EPB41: variants seen among roughly 807,000 people sequenced by gnomAD.
EPB41 encodes the protein erythrocyte membrane protein band 4.1, also known as protein 4.1.
EPB41 carries 65 observed loss-of-function variants against 108.0 expected under a neutral mutation model. That is an observed-to-expected ratio of 0.60 (90% CI 0.49 to 0.74). The LOEUF (loss-of-function observed/expected upper bound fraction) is 0.74, where lower values mean the gene tolerates loss of function less well. Ranked by LOEUF, EPB41 falls within the 30% of genes least tolerant of loss-of-function variation. EPB41 has a pLI of 0.00. For synonymous variants in EPB41, 336 were observed against 358.9 expected (o/e 0.94, Z 0.72); for missense variants, 875 against 1,037.0 (o/e 0.84, Z 2.15).
intron 15 of EPB41, among the ~76,000 whole-genome samples, chr1:29,062,216 G>A (rs1017145007): frequency 6.6e-6 from 1 of 152,218 alleles, no homozygotes; most frequent in Admixed American, 6.5e-5. Flanking sequence ...GTGAAGGTCA[G>A]TTGATTTCCT....
At chr1:29,073,603 T>G (rs1292447449) in intron 16 of EPB41, among the ~76,000 whole-genome samples, 3 of 152,232 alleles carry the variant, frequency 2.0e-5, no homozygotes, top group Non-Finnish European at 4.4e-5. Context: ...TTTTCCAAAT[T>G]TATCCTTCTC....
At chr1:29,012,236 A>G (rs1018195346) in intron 5 of EPB41, among the ~76,000 whole-genome samples, 5 of 152,204 alleles carry the variant, frequency 3.3e-5, no homozygotes, top group African/African-American at 1.2e-4. Flanking sequence ...GTCAGTTCTC[A>G]AAATGGTAGT....
intron 16 of EPB41, among the ~76,000 whole-genome samples, chr1:29,086,255 C>T (rs1035929861): frequency 1.3e-5 from 2 of 150,372 alleles, no homozygotes; most frequent in African/African-American, 4.9e-5. Flanking sequence ...TTTAGTACAC[C>T]TTAAAATCTT....
At chr1:28,910,902 T>C, upstream of EPB41, 1 of 889,512 alleles carries the variant, frequency 1.1e-6, no homozygotes, top group Non-Finnish European at 1.3e-6. Context: ...AGATGGTCCT[T>C]AGGGACCCCA....
At chr1:29,051,086 CTGTTTTTTTTTTTTT>C (rs1644413161) in intron 11 of EPB41, among the ~76,000 whole-genome samples, 1 of 57,248 alleles carries the variant, frequency 1.7e-5, no homozygotes, top group Non-Finnish European at 3.5e-5. Flanking sequence ...TTTTCTTTTT[CTGTTTTTTTTTTTTT>C]TTTTTTTTTT....
chr1:29,055,756 C>T (rs983235151), intron 12 of EPB41, among the ~76,000 whole-genome samples: 2 of 149,960 alleles, frequency 1.3e-5, no homozygotes, highest in Non-Finnish European at 3.0e-5. Flanking sequence ...GGCAAAACCC[C>T]GTCTTTACTA....
rs767443466 is a variant in EPB41 at position 28,997,205 on chromosome 1, A to G, written c.682-10A>G. The G allele has an allele frequency of 3.1e-6, 5 of 1,596,168 alleles. No individual in the cohort carries two copies. Among genetic ancestry groups the G allele is most frequent in the East Asian group, 2.2e-5 (1 of 44,802 alleles). ...ACCTCAACTCAACTAAGTCACGTAT[A>G]TCTTTGCAGAAACATGCTAAGGGAC... is the stretch of plus-strand genomic sequence containing the variant. On this transcript the variant is annotated splice_polypyrimidine_tract_variant and intron_variant, in intron 3 of 20. Coordinates refer to ENST00000343067, the MANE Select transcript of EPB41 (RefSeq NM_001376013.1).
chr1:28,948,610 C>A (rs2094579582), intron 1 of EPB41, among the ~76,000 whole-genome samples: 2 of 151,642 alleles, frequency 1.3e-5, no homozygotes, highest in African/African-American at 4.8e-5. Flanking sequence ...TGCTTAGTAT[C>A]CTTTTACGCT....
intron 2 of EPB41, among the ~76,000 whole-genome samples, chr1:28,991,702 CA>C (rs59227691): frequency 0.16 from 15,731 of 98,346 alleles, 930 homozygotes; most frequent in African/African-American, 0.27. Flanking sequence ...ACTCTTGTCT[CA>C]AAAAAAAAAA....
intron 1 of EPB41, among the ~76,000 whole-genome samples, chr1:28,942,035 AC>A (rs2094309822): frequency 6.6e-6 from 1 of 152,178 alleles, no homozygotes; most frequent in African/African-American, 2.4e-5. Context: ...TAATGCTAAT[AC>A]TATAAATATT....
At position 29,117,771 on chromosome 1, in the gene EPB41, A is replaced by G. The variant is rs535056008; in HGVS notation, c.*959A>G. 1 of 152,748 alleles carries G rather than the reference A, an allele frequency of 6.5e-6. No homozygotes were observed. Among genetic ancestry groups the G allele is most frequent in the African/African-American group, 2.4e-5 (1 of 41,584 alleles). The allele number at this position is 152,748 out of a possible 1,614,324, so 9.5% of individuals were successfully genotyped here. A position where few individuals can be genotyped will look rare whatever the true frequency, so the allele number is the denominator to read the frequency against. On this transcript the variant is annotated 3_prime_UTR_variant, in exon 21 of 21. Transcript: ENST00000343067. ...GCACTTCACACAGGGGAATGGGGTT[A>G]CTTCTGTCTGATCCTGGGCCTTTCT...
chr1:29,058,695 T>G (rs1179629928), intron 13 of EPB41, 50 bp downstream of exon 13: 1 of 1,588,860 alleles, frequency 6.3e-7, no homozygotes, highest in Non-Finnish European at 8.6e-7. Context: ...CCCCTCAGTT[T>G]TTTTCTTCTC....
At chr1:29,052,306 A>G (rs1644670570) in intron 11 of EPB41, among the ~76,000 whole-genome samples, 2 of 152,208 alleles carry the variant, frequency 1.3e-5, no homozygotes, top group Admixed American at 1.3e-4. Flanking sequence ...ACAACAACCA[A>G]AAATGTCTCC....
In EPB41 at chr1:28,982,300, A is replaced by G. The variant is rs183413378; in HGVS notation, c.-7-5131A>G. The stretch of plus-strand genomic sequence containing the variant: ...CATCTAAAACCACAGCTTCTGGAAG[A>G]ACTACTTGTTCTTGCCTGTCTTTTA... On this transcript the variant is annotated intron_variant, in intron 1 of 20. Transcript: ENST00000343067. The G allele has an allele frequency of 1.4e-3, 829 of 583,188 alleles. 7 individuals are homozygous for G. Among genetic ancestry groups the G allele is most frequent in the African/African-American group, 0.014 (741 of 53,198 alleles). The allele number at this position is 583,188 out of a possible 1,614,324, so 36.1% of individuals were successfully genotyped here. A position where few individuals can be genotyped will look rare whatever the true frequency, so the allele number is the denominator to read the frequency against.
intron 16 of EPB41, among the ~76,000 whole-genome samples, chr1:29,078,184 A>C (rs1238749978): frequency 2.0e-5 from 3 of 152,106 alleles, no homozygotes; most frequent in African/African-American, 4.8e-5. Context: ...GCACCACTGC[A>C]CTCCAGCCTG....
At chr1:28,985,124 C>T (rs893776292) in intron 1 of EPB41, among the ~76,000 whole-genome samples, 8 of 151,730 alleles carry the variant, frequency 5.3e-5, no homozygotes, top group Admixed American at 2.0e-4. Flanking sequence ...CCACCATGCC[C>T]GGCTAATTTT....
At chr1:28,935,788 ACATG>A (rs2093998087) in intron 1 of EPB41, among the ~76,000 whole-genome samples, 1 of 151,362 alleles carries the variant, frequency 6.6e-6, no homozygotes, top group African/African-American at 2.4e-5. Flanking sequence ...GCGTGGTGGC[ACATG>A]CCTGTAATCC....
chr1:29,108,749 G>T (rs1467367742), intron 17 of EPB41, among the ~76,000 whole-genome samples: 2 of 150,578 alleles, frequency 1.3e-5, no homozygotes, highest in African/African-American at 4.9e-5. Flanking sequence ...TAGACACAGG[G>T]TTTCACTCTG....
intron 1 of EPB41, among the ~76,000 whole-genome samples, chr1:28,942,609 A>C (rs540173081): frequency 6.6e-6 from 1 of 152,378 alleles, no homozygotes; most frequent in Admixed American, 6.5e-5. Flanking sequence ...TGTGTTCAGC[A>C]ATCCAGAAAC....
Sources: allele counts gnomAD v4.1 joint callset (sites outside exome capture counted in the v4.1 genomes callset), GRCh38; gene constraint gnomAD v4.1.1; transcripts MANE v1.5; gene names NCBI Gene and HGNC (gene_info 2026-07-23, HGNC 2026-07-21).